BORA: variants seen among roughly 807,000 people sequenced by gnomAD.
The protein encoded by BORA is BORA aurora kinase A activator, also known as protein aurora borealis.
In BORA, 26 loss-of-function variants were observed where a neutral mutation model predicts 55.8. The ratio of observed to expected loss-of-function variants is 0.47; its 90% CI spans 0.34 to 0.65. The LOEUF (loss-of-function observed/expected upper bound fraction) is 0.65, where lower values mean the gene tolerates loss of function less well. Ranked by LOEUF, BORA falls within the 30% of genes least tolerant of loss-of-function variation. The probability of loss-of-function intolerance (pLI) is 0.01; values close to 1 mark genes in which losing one functional copy is unlikely to be tolerated. For synonymous variants in BORA, 201 were observed against 216.9 expected (o/e 0.93, Z 0.64); for missense variants, 568 against 671.5 (o/e 0.85, Z 1.70).
intron 10 of BORA, among the ~76,000 whole-genome samples, chr13:72,750,954 G>A (rs190561484): frequency 5.1e-4 from 78 of 152,192 alleles, no homozygotes; most frequent in African/African-American, 1.8e-3. Flanking sequence ...GTTGAGGCGC[G>A]AGCATGGCAT....
intron 6 of BORA, 89 bp from the exon 7 acceptor site, chr13:72,744,416 G>T: frequency 9.3e-7 from 1 of 1,078,224 alleles, no homozygotes; most frequent in South Asian, 1.4e-5. Flanking sequence ...GGAGATGATT[G>T]ACTGGGCAGC....
chr13:72,746,453 AT>A (rs1457228622), intron 9 of BORA, 47 bp from the exon 10 acceptor site: 1 of 1,546,006 alleles, frequency 6.5e-7, no homozygotes, highest in South Asian at 1.2e-5. Context: ...TGACTTTTCC[AT>A]TTTCATGTTT....
chr13:72,738,218 A>AT (rs1323320629), intron 5 of BORA, among the ~76,000 whole-genome samples, 175 bp downstream of exon 5: 10 of 151,914 alleles, frequency 6.6e-5, no homozygotes, highest in African/African-American at 1.7e-4. Context: ...AATTTATTGA[A>AT]TTGTTTTTTA....
chr13:72,746,623 C>A lies in BORA; in HGVS notation c.994C>A (p.Pro332Thr), dbSNP rs377298389. The A allele has an allele frequency of 4.0e-5, 64 of 1,614,096 alleles. No individual in the cohort carries two copies. The highest frequency in any genetic ancestry group is 5.4e-5 in the Non-Finnish European group (64 of 1,179,994). The change falls in exon 10 of 12, where the codon CCT becomes ACT. Residue 332 changes from proline (P) to threonine (T), a missense_variant. By Grantham distance (38) the Pro-to-Thr change is conservative. Coordinates refer to ENST00000390667, the MANE Select transcript of BORA (RefSeq NM_024808.5). ...DGCSPIKNWS[P>T]MRLQMYSGGT... ...CTGCTCGCCAATTAAAAATTGGTCT[C>A]CTATGAGACTTCAGATGTATAGTGG...
chr13:72,746,475 A>G, intron 9 of BORA, 26 bp from the exon 10 acceptor site: 7 of 1,570,912 alleles, frequency 4.5e-6, no homozygotes, highest in Non-Finnish European at 6.0e-6. Context: ...TTATGATGTG[A>G]TTTTTTTTCC....
At chr13:72,741,847 A>G (rs1338093923) in intron 5 of BORA, among the ~76,000 whole-genome samples, 1 of 152,190 alleles carries the variant, frequency 6.6e-6, no homozygotes, top group Non-Finnish European at 1.5e-5. Context: ...CAGGGAGGAG[A>G]GAGCATAAGA....
chr13:72,747,364 T>C (rs1043128808), intron 10 of BORA, among the ~76,000 whole-genome samples: 38 of 152,256 alleles, frequency 2.5e-4, no homozygotes, highest in Admixed American at 2.0e-3. Flanking sequence ...GAAAAGAAAT[T>C]AGCCTGCTCT....
At chr13:72,738,993 T>C (rs2032985767) in intron 5 of BORA, among the ~76,000 whole-genome samples, 2 of 152,204 alleles carry the variant, frequency 1.3e-5, no homozygotes, top group Admixed American at 6.5e-5. Context: ...GAATTAGTGG[T>C]AGCACGCAAT....
In BORA at chr13:72,729,090, A is replaced by G; in HGVS notation, c.150A>G (p.Leu50=). The G allele has an allele frequency of 3.9e-6, 6 of 1,555,072 alleles. No individual in the cohort carries two copies. Among genetic ancestry groups the G allele is most frequent in the Non-Finnish European group, 5.2e-6 (6 of 1,157,028 alleles). The change falls in exon 2 of 12, where the codon TTA becomes TTG. Residue 50 remains leucine, a synonymous_variant. Transcript: ENST00000390667. ...CTTCTGTTTTTAAATCAACAAAATT[A>G]CCAGTAAGTTATTCCTGACTAGTGT... The part of the protein sequence containing the change: ...ASPSVFKSTK[L]PTPGKFRWSI...
chr13:72,743,757 T>A (rs1409046341), intron 6 of BORA, among the ~76,000 whole-genome samples, 155 bp downstream of exon 6: 1 of 151,612 alleles, frequency 6.6e-6, no homozygotes, highest in Non-Finnish European at 1.5e-5. Flanking sequence ...AGGGTCACAC[T>A]CTGTCACCCA....
intron 5 of BORA, among the ~76,000 whole-genome samples, chr13:72,738,641 C>A (rs1412288829): frequency 6.6e-6 from 1 of 152,094 alleles, no homozygotes; most frequent in Non-Finnish European, 1.5e-5. Context: ...ATATGCATCC[C>A]TCATCACAGT....
In BORA at chr13:72,729,108, A is replaced by G; in HGVS notation, c.153+15A>G. The G allele has an allele frequency of 6.6e-7, 1 of 1,512,796 alleles. No individual in the cohort carries two copies. Among genetic ancestry groups the G allele is most frequent in the East Asian group, 2.4e-5 (1 of 42,446 alleles). 93.7% of individuals were successfully genotyped at this position (1,512,796 alleles called of 1,614,324 possible). On this transcript the variant is annotated intron_variant, in intron 2 of 11. Transcript: ENST00000390667. ...CAAAATTACCAGTAAGTTATTCCTG[A>G]CTAGTGTTTACAACTAATTTTAAAT...
At chr13:72,746,317 C>T (rs2281847) in intron 9 of BORA, among the ~76,000 whole-genome samples, 184 bp from the exon 10 acceptor site, 67,688 of 152,020 alleles carry the variant, frequency 0.45, 15,495 homozygotes, top group Middle Eastern at 0.57. Context: ...CAAACACTAT[C>T]AAAGGAAATT....
At chr13:72,744,407 GA>G in intron 6 of BORA, 97 bp from the exon 7 acceptor site, 1 of 959,750 alleles carries the variant, frequency 1.0e-6, no homozygotes, top group Non-Finnish European at 1.6e-6. Flanking sequence ...ACATCACGGG[GA>G]GATGATTGAC....
chr13:72,733,162 G>T (rs2032853376), intron 3 of BORA, among the ~76,000 whole-genome samples: 1 of 152,172 alleles, frequency 6.6e-6, no homozygotes, highest in Non-Finnish European at 1.5e-5. Context: ...TCTTCACAGA[G>T]CATCTCGTTT....
Position 72,755,260 on chromosome 13 carries a change from C to T in BORA, c.*44C>T, listed in dbSNP as rs2033425907. On this transcript the variant is annotated 3_prime_UTR_variant, in exon 12 of 12. Coordinates refer to ENST00000390667, the MANE Select transcript of BORA (RefSeq NM_024808.5). ...AAAGACTAAGCTTAAGAGTTCCTCG[C>T]ATATATCGTTGTGCACAGGATCAAC... 2.0e-6 allele frequency: 3 copies of T among 1,507,822 alleles called. No individual in the cohort carries two copies. The highest frequency in any genetic ancestry group is 2.8e-6 in the Non-Finnish European group (3 of 1,086,250). The allele number at this position is 1,507,822 out of a possible 1,614,324, so 93.4% of individuals were successfully genotyped here. A position where few individuals can be genotyped will look rare whatever the true frequency, so the allele number is the denominator to read the frequency against.
At chr13:72,733,712 C>G (rs2032864173) in intron 3 of BORA, among the ~76,000 whole-genome samples, 1 of 152,162 alleles carries the variant, frequency 6.6e-6, no homozygotes, top group Non-Finnish European at 1.5e-5. Flanking sequence ...GGCTACTGTT[C>G]AAGCTGGGAT....
intron 8 of BORA, among the ~76,000 whole-genome samples, chr13:72,745,498 T>A (rs1184758134): frequency 6.6e-6 from 1 of 152,190 alleles, no homozygotes; most frequent in African/African-American, 2.4e-5. Context: ...AAACTAACTC[T>A]AGTTCGTATG....
At chr13:72,738,531 G>A (rs1482209011) in intron 5 of BORA, among the ~76,000 whole-genome samples, 1 of 152,168 alleles carries the variant, frequency 6.6e-6, no homozygotes, top group Non-Finnish European at 1.5e-5. Flanking sequence ...GGGCAAGCCA[G>A]TAAGCTAACA....
Sources: allele counts gnomAD v4.1 joint callset (sites outside exome capture counted in the v4.1 genomes callset), GRCh38; gene constraint gnomAD v4.1.1; transcripts MANE v1.5; gene names NCBI Gene and HGNC (gene_info 2026-07-23, HGNC 2026-07-21).